SPAG16: variants seen among roughly 807,000 people sequenced by gnomAD.
SPAG16 encodes sperm associated antigen 16, also known as sperm-associated antigen 16 protein.
Under a neutral mutation model 80.4 loss-of-function variants are expected in SPAG16, and 86 were observed. That is an observed-to-expected ratio of 1.07 (90% CI 0.90 to 1.28). The LOEUF (loss-of-function observed/expected upper bound fraction) is 1.28. Ranked by LOEUF, SPAG16 falls within the 50% of genes most tolerant of loss-of-function variation. The pLI is 0.00. For missense variants in SPAG16, 870 were observed against 765.3 expected, an observed-to-expected ratio of 1.14 and a Z score of -1.61; for synonymous variants, 294 against 265.9, an observed-to-expected ratio of 1.11 and a Z score of -1.03.
At chr2:213,309,070 T>A (rs777264999) in intron 3 of SPAG16, among the ~76,000 whole-genome samples, 1 of 152,164 alleles carries the variant, frequency 6.6e-6, no homozygotes, top group Non-Finnish European at 1.5e-5. Context: ...AAGTTTGTGT[T>A]AAGTACTTGC....
chr2:213,525,533 C>T (rs1003459096), intron 10 of SPAG16, among the ~76,000 whole-genome samples: 7 of 151,926 alleles, frequency 4.6e-5, no homozygotes, highest in East Asian at 3.9e-4. Flanking sequence ...GTGATCTACC[C>T]GCCTCGGCCT....
intron 5 of SPAG16, among the ~76,000 whole-genome samples, chr2:213,327,078 T>G (rs1227609976): frequency 2.0e-5 from 3 of 151,912 alleles, no homozygotes; most frequent in African/African-American, 7.2e-5. Flanking sequence ...GCAAATTGTT[T>G]TCTTTATGAT....
At chr2:214,125,350 ATCAAG>A (rs1187048928) in intron 14 of SPAG16, among the ~76,000 whole-genome samples, 1 of 151,776 alleles carries the variant, frequency 6.6e-6, no homozygotes, top group Non-Finnish European at 1.5e-5. Flanking sequence ...TATGAAATAA[ATCAAG>A]TCATTACATT....
intron 5 of SPAG16, among the ~76,000 whole-genome samples, chr2:213,325,632 G>A (rs2063809405): frequency 6.6e-6 from 1 of 151,840 alleles, no homozygotes; most frequent in South Asian, 2.1e-4. Context: ...GTGTGTGTGT[G>A]TGTGTGTGTG....
intron 15 of SPAG16, among the ~76,000 whole-genome samples, chr2:214,313,268 A>ATAC: frequency 1.3e-5 from 2 of 152,240 alleles, no homozygotes; most frequent in Admixed American, 1.3e-4. Flanking sequence ...ATTCCAACCA[A>ATAC]TACTACTACT....
At chr2:213,664,921 C>A (rs981969429) in intron 10 of SPAG16, among the ~76,000 whole-genome samples, 1 of 151,944 alleles carries the variant, frequency 6.6e-6, no homozygotes, top group Non-Finnish European at 1.5e-5. Flanking sequence ...TATTTTCTAT[C>A]TCTTTTTGAG....
At chr2:213,984,832 A>C (rs577746163) in intron 12 of SPAG16, among the ~76,000 whole-genome samples, 3 of 152,030 alleles carry the variant, frequency 2.0e-5, no homozygotes, top group Admixed American at 6.6e-5. Flanking sequence ...TCTTCCAAAT[A>C]AGCTTATGCC....
At position 213,536,681 on chromosome 2, in the gene SPAG16, T is replaced by A. The variant is rs549494170; in HGVS notation, c.1070+46591T>A. Among the ~76,000 whole-genome samples the A allele has an allele frequency of 1.3e-3, 194 of 152,254 alleles. 1 individual carries two copies. The highest frequency in any genetic ancestry group is 5.6e-3 in the Admixed American group (85 of 15,292). On this transcript the variant is annotated intron_variant, in intron 10 of 15. Coordinates refer to ENST00000331683, the MANE Select transcript of SPAG16 (RefSeq NM_024532.5). ...GCCCACTTTTTGATGGGGTTGTTTG[T>A]TTTTTTCTTGTAAATTTGTTTGAGT...
At chr2:213,771,646 G>A (rs2069256062) in intron 10 of SPAG16, among the ~76,000 whole-genome samples, 1 of 152,022 alleles carries the variant, frequency 6.6e-6, no homozygotes, top group South Asian at 2.1e-4. Flanking sequence ...GTAAAGAAGG[G>A]GTCCAGTTTC....
At chr2:214,335,893 G>A (rs1019978651) in intron 15 of SPAG16, among the ~76,000 whole-genome samples, 36 of 151,128 alleles carry the variant, frequency 2.4e-4, no homozygotes, top group African/African-American at 8.3e-4. Context: ...CGAGTAGCTG[G>A]GCCTACAGGT....
chr2:213,403,426 C>A (rs1015320471), intron 9 of SPAG16, among the ~76,000 whole-genome samples: 14 of 152,024 alleles, frequency 9.2e-5, no homozygotes, highest in African/African-American at 3.1e-4. Context: ...AAAATGTTAT[C>A]CAGCATATAA....
At chr2:214,372,657 T>G (rs1699896039) in intron 15 of SPAG16, among the ~76,000 whole-genome samples, 1 of 152,216 alleles carries the variant, frequency 6.6e-6, no homozygotes, top group Admixed American at 6.5e-5. Context: ...AGAGACTTAG[T>G]CCCAAGAAAT....
intron 13 of SPAG16, among the ~76,000 whole-genome samples, chr2:214,052,290 T>G (rs1456501827): frequency 6.6e-6 from 1 of 152,218 alleles, no homozygotes; most frequent in Non-Finnish European, 1.5e-5. Context: ...CAAATTTTAC[T>G]TCAGCTATCA....
intron 5 of SPAG16, among the ~76,000 whole-genome samples, chr2:213,333,604 A>G (rs2064204487): frequency 6.6e-6 from 1 of 152,190 alleles, no homozygotes; most frequent in Non-Finnish European, 1.5e-5. Flanking sequence ...TTCAAATTAT[A>G]CTACAGAAAT....
intron 12 of SPAG16, among the ~76,000 whole-genome samples, chr2:213,986,331 T>G (rs564901742): frequency 6.6e-6 from 1 of 152,166 alleles, no homozygotes; most frequent in African/African-American, 2.4e-5. Context: ...CACCGTTTAT[T>G]TCAGTTTTTT....
chr2:214,065,240 T>C (rs1001484858), intron 13 of SPAG16, among the ~76,000 whole-genome samples: 4 of 152,098 alleles, frequency 2.6e-5, no homozygotes, highest in Non-Finnish European at 5.9e-5. Context: ...AATATATTTA[T>C]CCTAGTGAAA....
chr2:214,244,358 C>T (rs1187418104), intron 15 of SPAG16, among the ~76,000 whole-genome samples: 1 of 149,066 alleles, frequency 6.7e-6, no homozygotes, highest in South Asian at 2.1e-4. Context: ...TCAGCTCACT[C>T]AGCATGTGAC....
chr2:213,602,507 G>A lies in SPAG16; in HGVS notation c.1070+112417G>A, dbSNP rs1259006. ...AAATTAGCCGGGCGTGGTGGTGCAC[G>A]CCTGTAATCCCAGCTACTCGGGAGG... On this transcript the variant is annotated intron_variant, in intron 10 of 15. Transcript: ENST00000331683. Among the ~76,000 whole-genome samples the A allele has an allele frequency of 2.6e-5, 4 of 152,174 alleles. No individual in the cohort carries two copies. The East Asian group carries it at 5.8e-4, about 22-fold the overall frequency.
Position 214,032,505 on chromosome 2 carries a change from A to G in SPAG16, c.1527+18428A>G, listed in dbSNP as rs530758945. Reference sequence around the variant, plus strand: ...ATGGGCATATTGAAGACATGTAACAATTGCCTGTATGAATAACAAAGGAGC... The same window carrying G: ...ATGGGCATATTGAAGACATGTAACAGTTGCCTGTATGAATAACAAAGGAGC... On this transcript the variant is annotated intron_variant, in intron 13 of 15. Transcript: ENST00000331683. Among the ~76,000 whole-genome samples the G allele has an allele frequency of 3.9e-5, 6 of 152,304 alleles. No individual in the cohort carries two copies. The South Asian group carries it at 8.3e-4, about 21-fold the overall frequency.
Sources: allele counts gnomAD v4.1 joint callset (sites outside exome capture counted in the v4.1 genomes callset), GRCh38; gene constraint gnomAD v4.1.1; transcripts MANE v1.5; gene names NCBI Gene and HGNC (gene_info 2026-07-23, HGNC 2026-07-21).